Variants in PWWP2A observed in about 807,000 individuals in gnomAD.
PWWP2A encodes PWWP domain-containing protein 2A.
PWWP2A carries 18 observed loss-of-function variants against 48.5 expected under a neutral mutation model. The ratio of observed to expected loss-of-function variants is 0.37; its 90% confidence interval spans 0.26 to 0.55. The LOEUF (loss-of-function observed/expected upper bound fraction) is 0.55. PWWP2A is among the 20% of genes least tolerant of loss of function. The pLI, the probability that PWWP2A is intolerant of heterozygous loss-of-function variation, is 0.81. For missense variants in PWWP2A, 867 were observed against 976.4 expected, an observed-to-expected ratio of 0.89 and a Z score of 1.49; for synonymous variants, 396 against 387.7, an observed-to-expected ratio of 1.02 and a Z score of -0.25.
the PWWP2A span, among the ~76,000 whole-genome samples, chr5:160,047,460 T>A: frequency 1.1e-3 from 174 of 152,296 alleles, no homozygotes; most frequent in Non-Finnish European, 1.0e-3. Context: ...CTCTACTACT[T>A]CCAGCTTAGA....
At chr5:160,103,103 A>G (rs867944425) in intron 1 of PWWP2A, among the ~76,000 whole-genome samples, 3 of 152,258 alleles carry the variant, frequency 2.0e-5, no homozygotes, top group Admixed American at 6.5e-5. Flanking sequence ...AGTCTCAAAC[A>G]GTTCAGGAAA....
At chr5:160,052,221 A>T in the PWWP2A span, among the ~76,000 whole-genome samples, 1 of 152,194 alleles carries the variant, frequency 6.6e-6, no homozygotes, top group Non-Finnish European at 1.5e-5. Context: ...TATTTAATTA[A>T]ACTTGGCCAG....
chr5:160,105,239 C>CAAAA (rs70990704), intron 1 of PWWP2A, among the ~76,000 whole-genome samples: 16 of 48,940 alleles, frequency 3.3e-4, no homozygotes, highest in Non-Finnish European at 3.5e-4. Flanking sequence ...GTCTCTAAGG[C>CAAAA]AAAAAAAAAA....
At chr5:160,097,928 G>A (rs1249037988) in intron 1 of PWWP2A, among the ~76,000 whole-genome samples, 1 of 152,028 alleles carries the variant, frequency 6.6e-6, no homozygotes, top group Non-Finnish European at 1.5e-5. Context: ...TGGCCAAGCT[G>A]GTTTTGAACT....
intron 2 of PWWP2A, among the ~76,000 whole-genome samples, chr5:160,068,667 A>G (rs1490274962): frequency 6.6e-6 from 1 of 152,166 alleles, no homozygotes; most frequent in Non-Finnish European, 1.5e-5. Context: ...TTAAAATATT[A>G]TCTACTCTTT....
the PWWP2A span, among the ~76,000 whole-genome samples, chr5:160,047,140 A>G: frequency 6.6e-6 from 1 of 152,216 alleles, no homozygotes; most frequent in South Asian, 2.1e-4. Context: ...TGTATGGCAG[A>G]GTTTCTGTCT....
At chr5:160,055,613 G>T in the PWWP2A span, among the ~76,000 whole-genome samples, 1 of 152,232 alleles carries the variant, frequency 6.6e-6, no homozygotes, top group Non-Finnish European at 1.5e-5. Context: ...CTGAATCAGA[G>T]ATTTAAGATG....
rs1755308598 is a variant in PWWP2A, at chr5:160,093,591, C to G, written c.1059G>C (p.Arg353=). 6.2e-7 allele frequency: 1 copy of G among 1,613,514 alleles called. No homozygotes were observed. The highest frequency in any genetic ancestry group is 8.5e-7 in the Non-Finnish European group (1 of 1,179,786). The change falls in exon 2 of 2, where the codon CGG becomes CGC. Residue 353 remains arginine, a synonymous_variant. Coordinates refer to ENST00000307063, the MANE Select transcript of PWWP2A (RefSeq NM_001130864.2). This position sits in a 1 kb window ranked among gnomAD's most constrained non-coding sequence, Gnocchi z 5.8. ...TCACAGTAGTTACACTTTCATTTCT[C>G]CGTTTTTTATCTTCATATTTAGAAG... is the stretch of plus-strand genomic sequence containing the variant. ...TDSSKYEDKK[R]RNESVTTVNK...
chr5:160,059,548 CTCT>C (rs1757641590), downstream of PWWP2A, among the ~76,000 whole-genome samples: 1 of 152,188 alleles, frequency 6.6e-6, no homozygotes, highest in Non-Finnish European at 1.5e-5. Context: ...TAAAGTCTGG[CTCT>C]TCCCTTTACT....
chr5:160,097,502 C>T (rs75557780), intron 1 of PWWP2A, among the ~76,000 whole-genome samples: 12,393 of 150,728 alleles, frequency 0.082, 712 homozygotes, highest in Admixed American at 0.19. Context: ...TGGTGACACG[C>T]GCCTGTAGTC....
intron 1 of PWWP2A, among the ~76,000 whole-genome samples, chr5:160,106,326 T>C (rs1450827686): frequency 6.6e-6 from 1 of 152,210 alleles, no homozygotes; most frequent in Non-Finnish European, 1.5e-5. Flanking sequence ...AGCCTTGGTG[T>C]CTATCTATGA....
downstream of PWWP2A, among the ~76,000 whole-genome samples, chr5:160,057,251 C>T (rs1262212550): frequency 6.6e-6 from 1 of 152,084 alleles, no homozygotes; most frequent in Non-Finnish European, 1.5e-5. The surrounding 1 kb of genome is among the most constrained non-coding windows in gnomAD (Gnocchi z 4.4). Context: ...CGAATTTACC[C>T]AAGGTCAAAT....
chr5:160,080,714 G>C, exon 3 of PWWP2A: 1 of 1,575,888 alleles, frequency 6.3e-7, no homozygotes. Flanking sequence ...GTCAGACACT[G>C]TAAGGGAGCA....
At chr5:160,046,952 C>T in the PWWP2A span, among the ~76,000 whole-genome samples, 2 of 152,030 alleles carry the variant, frequency 1.3e-5, no homozygotes, top group Non-Finnish European at 2.9e-5. Context: ...GTGGAGGTTG[C>T]AGTGAGCCGA....
chr5:160,046,200 T>C, the PWWP2A span, among the ~76,000 whole-genome samples: 1 of 152,234 alleles, frequency 6.6e-6, no homozygotes, highest in African/African-American at 2.4e-5. Context: ...CCATGGAGCA[T>C]TTGTTTTATC....
At chr5:160,044,459 T>TGAGATTTCCAAGAATGGGGCA in the PWWP2A span, among the ~76,000 whole-genome samples, 4 of 152,232 alleles carry the variant, frequency 2.6e-5, no homozygotes, top group Non-Finnish European at 5.9e-5. Flanking sequence ...GGATTACTCA[T>TGAGATTTCCAAGAATGGGGCA]GAGATTTCCA....
chr5:160,093,191 C>A lies in PWWP2A; in HGVS notation c.1459G>T (p.Asp487Tyr). ...KPQRYRNEENDSSLKTGLEKM... is the reference protein window; with the variant it reads ...KPQRYRNEENYSSLKTGLEKM... ...TCAAGTCCTGTCTTCAGAGAAGAGTCATTTTCTTCATTCCTGTACCTCTGT... is the reference window on the plus strand; with the variant it reads ...TCAAGTCCTGTCTTCAGAGAAGAGTAATTTTCTTCATTCCTGTACCTCTGT... Residue 487 changes from aspartate (D) to tyrosine (Y), a missense_variant, in exon 2 of 2, where the codon GAC (aspartate) becomes TAC (tyrosine). Asp to Tyr is a radical substitution (Grantham distance 160). Around this residue, in one of 4 missense-constraint regions of PWWP2A, gnomAD observed 382 missense variants for 407.2 expected, o/e 0.94. Transcript: ENST00000307063. The surrounding 1 kb of genome is among the most constrained non-coding windows in gnomAD (Gnocchi z 5.8). 1 of 1,613,922 alleles carries A rather than the reference C, an allele frequency of 6.2e-7. No individual in the cohort carries two copies. The highest frequency in any genetic ancestry group is 8.5e-7 in the Non-Finnish European group (1 of 1,179,874).
intron 1 of PWWP2A, among the ~76,000 whole-genome samples, chr5:160,112,177 A>G (rs540567187): frequency 2.0e-5 from 3 of 151,892 alleles, no homozygotes; most frequent in African/African-American, 7.2e-5. Context: ...AAAAAGAAAG[A>G]AAAAAAGAGC....
intron 1 of PWWP2A, among the ~76,000 whole-genome samples, chr5:160,109,774 A>AAAAAAATAT (rs1554104831): frequency 4.0e-5 from 1 of 25,236 alleles, no homozygotes; most frequent in African/African-American, 1.5e-4. Flanking sequence ...AAAAAAAAAA[A>AAAAAAATAT]ATATATATAT....
Sources: allele counts gnomAD v4.1 joint callset (sites outside exome capture counted in the v4.1 genomes callset), GRCh38; gene constraint gnomAD v4.1.1; regional missense constraint gnomAD v4.1.1; non-coding constraint Gnocchi (gnomAD v3.1); transcripts MANE v1.5; gene names NCBI Gene and HGNC (gene_info 2026-07-23, HGNC 2026-07-21).